Variants in PLLP observed in about 807,000 individuals in gnomAD.
The protein encoded by PLLP is plasma membrane proteolipid (plasmolipin).
A neutral mutation model predicts 19.7 loss-of-function variants in PLLP; 15 were observed. The ratio of observed to expected loss-of-function variants is 0.76; its 90% confidence interval spans 0.51 to 1.17. The LOEUF is 1.17. Ranked by LOEUF, PLLP falls within the 50% of genes most tolerant of loss-of-function variation. The pLI, the probability that PLLP is intolerant of heterozygous loss-of-function variation, is 0.00. For synonymous variants in PLLP, 111 were observed against 116.3 expected (o/e 0.95, Z 0.29); for missense variants, 255 against 258.3 (o/e 0.99, Z 0.09).
intron 2 of PLLP, among the ~76,000 whole-genome samples, chr16:57,260,692 G>GA (rs1305067881): frequency 7.4e-5 from 11 of 149,470 alleles, no homozygotes; most frequent in Admixed American, 1.3e-4. Context: ...CGGGTCAGAG[G>GA]AAAAAAAAAA....
At chr16:57,265,225 C>T (rs745683969) in intron 1 of PLLP, among the ~76,000 whole-genome samples, 3 of 152,246 alleles carry the variant, frequency 2.0e-5, no homozygotes, top group Non-Finnish European at 2.9e-5. Flanking sequence ...AGAGCCCTTA[C>T]GAGTGTGGAC....
chr16:57,262,258 C>A (rs1195079698), intron 1 of PLLP, among the ~76,000 whole-genome samples, 188 bp from the exon 2 acceptor site: 2 of 152,114 alleles, frequency 1.3e-5, no homozygotes, highest in Non-Finnish European at 2.9e-5. Flanking sequence ...CCCATCTCTA[C>A]AGAAAAATTA....
chr16:57,279,662 A>G (rs1237379655), intron 1 of PLLP, among the ~76,000 whole-genome samples: 1 of 145,402 alleles, frequency 6.9e-6, no homozygotes, highest in Non-Finnish European at 1.5e-5. Context: ...GTGACAGAGC[A>G]AGACCTTGTC....
intron 1 of PLLP, among the ~76,000 whole-genome samples, chr16:57,267,359 G>A (rs2075460851): frequency 1.3e-5 from 2 of 151,976 alleles, no homozygotes; most frequent in South Asian, 4.2e-4. Context: ...GTTAAGGACA[G>A]GAGTTTAAGA....
At position 57,256,905 on chromosome 16, in the gene PLLP, C is replaced by CA. The variant is rs759420174; in HGVS notation, c.*7dup. ...TTCAGCCCCAGAGGGGGCCGTGGCA[C>CA]AGGTGGTTTAGGCATAGCCGCCAGC... On this transcript the variant is annotated 3_prime_UTR_variant, in exon 4 of 4. Coordinates refer to ENST00000219207, the MANE Select transcript of PLLP (RefSeq NM_015993.3). The CA allele has an allele frequency of 6.3e-7, 1 of 1,591,478 alleles. No homozygotes were observed. The highest frequency in any genetic ancestry group is 8.6e-7 in the Non-Finnish European group (1 of 1,160,628).
At chr16:57,257,176 C>T (rs1351245179) in intron 3 of PLLP, 147 bp from the exon 4 acceptor site, 1 of 638,976 alleles carries the variant, frequency 1.6e-6, no homozygotes, top group Non-Finnish European at 2.8e-6. Context: ...TATCATGGGG[C>T]TGATGAGCAC....
rs745983941 is a variant in PLLP, at chr16:57,261,965, T to C, written c.241A>G (p.Ile81Val). The C allele has an allele frequency of 2.5e-6, 4 of 1,614,030 alleles. No individual in the cohort carries two copies. Among genetic ancestry groups the C allele is most frequent in the East Asian group, 2.2e-5 (1 of 44,870 alleles). Residue 81 changes from isoleucine to valine, a missense_variant, in exon 2 of 4, where the codon ATC becomes GTC. Physicochemically the swap from Ile to Val is conservative, Grantham distance 29. Coordinates refer to ENST00000219207, the MANE Select transcript of PLLP (RefSeq NM_015993.3). ...FVAVFLWLVT[I>V]VLFNLYLFQL... Reference sequence around the variant, plus strand: ...AACAGGTAGAGGTTGAAGAGGACGATTGTCACCAGCCAGAGGAAGACAGCG... The same window carrying C: ...AACAGGTAGAGGTTGAAGAGGACGACTGTCACCAGCCAGAGGAAGACAGCG...
Position 57,284,544 on chromosome 16 carries a change from G to A in PLLP, c.-4C>T, listed in dbSNP as rs747604999. On this transcript the variant is annotated 5_prime_UTR_variant, in exon 1 of 4. Coordinates refer to ENST00000219207, the MANE Select transcript of PLLP (RefSeq NM_015993.3). ...CTTTCGACGGGAACTCGGCCATGGC[G>A]GCTCCGCTTGCCTCCCGAGGTCGCT... The A allele has an allele frequency of 2.2e-6, 3 of 1,352,750 alleles. No homozygotes were observed. The highest frequency in any genetic ancestry group is 2.9e-6 in the Non-Finnish European group (3 of 1,044,062). The allele number at this position is 1,352,750 out of a possible 1,614,324, so 83.8% of individuals were successfully genotyped here. A position where few individuals can be genotyped will look rare whatever the true frequency, so the allele number is the denominator to read the frequency against.
At chr16:57,262,632 G>A (rs554688002) in intron 1 of PLLP, among the ~76,000 whole-genome samples, 16 of 152,278 alleles carry the variant, frequency 1.1e-4, no homozygotes, top group African/African-American at 3.6e-4. Flanking sequence ...CTACTCATGA[G>A]GCTGAAGCAG....
chr16:57,271,233 C>T (rs2075474214), intron 1 of PLLP, among the ~76,000 whole-genome samples: 2 of 152,144 alleles, frequency 1.3e-5, no homozygotes, highest in African/African-American at 4.8e-5. Flanking sequence ...GGACCCCCAG[C>T]AAGGTCCTGC....
rs1264869725 is a variant in PLLP at position 57,256,856 on chromosome 16, C to T, written c.*57G>A. 3 of 1,205,442 alleles carry T rather than the reference C, an allele frequency of 2.5e-6. No homozygotes were observed. The highest frequency in any genetic ancestry group is 3.7e-6 in the Non-Finnish European group (3 of 815,576). 74.7% of individuals were successfully genotyped at this position (1,205,442 alleles called of 1,614,324 possible). On this transcript the variant is annotated 3_prime_UTR_variant, in exon 4 of 4. Transcript: ENST00000219207. ...CCCAGCTTCAGGCTTGCAGGGTGACCCTGCTCTGTGACCCAGCGGCGGCTT... is the reference window on the plus strand; with the variant it reads ...CCCAGCTTCAGGCTTGCAGGGTGACTCTGCTCTGTGACCCAGCGGCGGCTT...
chr16:57,277,547 C>T (rs539108069), intron 1 of PLLP, among the ~76,000 whole-genome samples: 32 of 152,102 alleles, frequency 2.1e-4, no homozygotes, highest in Non-Finnish European at 3.8e-4. Flanking sequence ...GCTGAGGTCA[C>T]GTCACTGCAC....
At chr16:57,270,464 C>A (rs1433802947) in intron 1 of PLLP, among the ~76,000 whole-genome samples, 3 of 151,818 alleles carry the variant, frequency 2.0e-5, no homozygotes, top group Non-Finnish European at 4.4e-5. Context: ...GAAAACCACG[C>A]CCAGCATGGC....
chr16:57,271,872 A>T (rs971825716), intron 1 of PLLP, among the ~76,000 whole-genome samples: 9 of 151,890 alleles, frequency 5.9e-5, no homozygotes, highest in Admixed American at 6.6e-5. Context: ...GGGATCTCAG[A>T]AACTCAGAGC....
intron 1 of PLLP, among the ~76,000 whole-genome samples, chr16:57,268,260 T>C (rs1302573260): frequency 6.6e-6 from 1 of 152,186 alleles, no homozygotes; most frequent in African/African-American, 2.4e-5. Flanking sequence ...AGGAAATGAA[T>C]AGGTTTTTCT....
At chr16:57,276,719 G>A (rs1901159053) in intron 1 of PLLP, among the ~76,000 whole-genome samples, 1 of 152,140 alleles carries the variant, frequency 6.6e-6, no homozygotes, top group Non-Finnish European at 1.5e-5. Context: ...GTGGGAACAG[G>A]AACCTTCCAG....
intron 2 of PLLP, 51 bp downstream of exon 2, chr16:57,261,846 A>G (rs776119015): frequency 6.5e-7 from 1 of 1,545,358 alleles, no homozygotes. Flanking sequence ...TTCTAGGGAA[A>G]GTCACAGTGG....
At chr16:57,265,333 G>A (rs1423845885) in intron 1 of PLLP, among the ~76,000 whole-genome samples, 1 of 152,272 alleles carries the variant, frequency 6.6e-6, no homozygotes, top group African/African-American at 2.4e-5. Context: ...TGTTCTGAAG[G>A]AGAACAAACA....
intron 1 of PLLP, among the ~76,000 whole-genome samples, chr16:57,277,204 G>C (rs1567532851): frequency 6.6e-6 from 1 of 152,196 alleles, no homozygotes; most frequent in Non-Finnish European, 1.5e-5. Context: ...GGGCATGAAG[G>C]AGTCAACTTT....
Sources: allele counts gnomAD v4.1 joint callset (sites outside exome capture counted in the v4.1 genomes callset), GRCh38; gene constraint gnomAD v4.1.1; transcripts MANE v1.5; gene names NCBI Gene and HGNC (gene_info 2026-07-23, HGNC 2026-07-21).